The following FBXW7 variants were observed in gnomAD, a reference collection of about 807,000 sequenced individuals.
The protein encoded by FBXW7 is F-box/WD repeat-containing protein 7.
A neutral mutation model predicts 86.3 loss-of-function variants in FBXW7; 11 were observed. That is an observed-to-expected ratio of 0.13 (90% CI 0.08 to 0.21). The LOEUF (loss-of-function observed/expected upper bound fraction) is 0.21. FBXW7 is among the 10% of genes least tolerant of loss of function. FBXW7 has a pLI of 1.00. For missense variants in FBXW7, 488 were observed against 847.4 expected (o/e 0.58, Z 5.27); for synonymous variants, 313 against 297.9 (o/e 1.05, Z -0.52).
At chr4:152,398,673 C>A (rs2126832832) in intron 4 of FBXW7, among the ~76,000 whole-genome samples, 1 of 152,118 alleles carries the variant, frequency 6.6e-6, no homozygotes, top group Middle Eastern at 3.4e-3. Context: ...ACCATATTTT[C>A]TTTTCTCTGT....
chr4:152,407,669 A>G (rs1481286361), intron 4 of FBXW7, among the ~76,000 whole-genome samples: 1 of 152,136 alleles, frequency 6.6e-6, no homozygotes, highest in East Asian at 1.9e-4. Context: ...ATTTATAGAC[A>G]AGAAAGGGTC....
Position 152,322,858 on chromosome 4 carries a change from G to T in FBXW7, c.*23C>A, listed in dbSNP as rs1360272274. The T allele has an allele frequency of 6.2e-7, 1 of 1,611,800 alleles. No individual in the cohort carries two copies. The highest frequency in any genetic ancestry group is 2.2e-5 in the East Asian group (1 of 44,816). On this transcript the variant is annotated 3_prime_UTR_variant, in exon 14 of 14. Transcript: ENST00000281708. ...AGGGAGTATATCGTCTACACAATTG[G>T]ACAAATTCATCTTTTCTGCTCTTCA...
rs557662930 is a variant in FBXW7 at position 152,415,221 on chromosome 4, T to A, written c.-119-2692A>T. 2.0e-4 allele frequency among the ~76,000 whole-genome samples: 30 copies of A among 152,242 alleles called. No homozygotes were observed. In the South Asian group the frequency reaches 6.2e-3, roughly 32 times the overall value. Reference sequence around the variant, plus strand: ...TCCAAGGCAAATACTAACTTTGAAATCATAGTAGACACTGAGGAATACAGT... The same window carrying A: ...TCCAAGGCAAATACTAACTTTGAAAACATAGTAGACACTGAGGAATACAGT... On this transcript the variant is annotated intron_variant, in intron 2 of 13. Coordinates refer to ENST00000281708, the MANE Select transcript of FBXW7 (RefSeq NM_001349798.2).
chr4:152,511,050 T>A (rs1254213670), intron 2 of FBXW7, among the ~76,000 whole-genome samples: 1 of 151,720 alleles, frequency 6.6e-6, no homozygotes, highest in Non-Finnish European at 1.5e-5. Context: ...TTTTTTTTTT[T>A]TTTTTTGTAG....
intron 2 of FBXW7, among the ~76,000 whole-genome samples, chr4:152,499,058 G>A (rs1302392978): frequency 6.6e-6 from 1 of 152,122 alleles, no homozygotes; most frequent in South Asian, 2.1e-4. Context: ...AGAATTATCA[G>A]AGAACTGAAG....
At chr4:152,465,283 A>C (rs1257560662) in intron 2 of FBXW7, among the ~76,000 whole-genome samples, 3 of 152,200 alleles carry the variant, frequency 2.0e-5, no homozygotes, top group Non-Finnish European at 2.9e-5. Flanking sequence ...TATGATAGTA[A>C]GCACACAGAA....
chr4:152,437,516 T>C (rs1740490984), intron 2 of FBXW7, among the ~76,000 whole-genome samples: 1 of 152,230 alleles, frequency 6.6e-6, no homozygotes, highest in African/African-American at 2.4e-5. Context: ...TAAGGTGTTG[T>C]TTCTTCTGAA....
chr4:152,513,749 A>G (rs1748204462), intron 2 of FBXW7, among the ~76,000 whole-genome samples: 1 of 152,206 alleles, frequency 6.6e-6, no homozygotes, highest in African/African-American at 2.4e-5. Context: ...AAAATAAAAA[A>G]CTTTACATCT....
intron 2 of FBXW7, among the ~76,000 whole-genome samples, chr4:152,463,615 TTTAC>T (rs1743159445): frequency 6.6e-6 from 1 of 152,132 alleles, no homozygotes; most frequent in Non-Finnish European, 1.5e-5. Flanking sequence ...TCAAAAAGCA[TTTAC>T]TTAGTTCCAA....
intron 4 of FBXW7, chr4:152,411,074 G>A (rs558119429): frequency 4.0e-6 from 3 of 745,916 alleles, no homozygotes; most frequent in South Asian, 9.0e-5. Context: ...ATTTTTCATA[G>A]TAATAGGCTC....
intron 4 of FBXW7, chr4:152,382,117 T>A: frequency 9.1e-7 from 1 of 1,095,922 alleles, no homozygotes; most frequent in Non-Finnish European, 1.3e-6. Context: ...ATTTGAGGCA[T>A]CTTTTCACTA....
Position 152,430,885 on chromosome 4 carries a change from GGGTATATACCTTT to G in FBXW7, c.-119-18369_-119-18357del, listed in dbSNP as rs368639446. Among the ~76,000 whole-genome samples the G allele has an allele frequency of 1.4e-3, 207 of 152,222 alleles. 1 individual carries two copies. The highest frequency in any genetic ancestry group is 4.7e-3 in the African/African-American group (196 of 41,532). On this transcript the variant is annotated intron_variant, in intron 2 of 13. Transcript: ENST00000281708. ...TACATTATATTTATTTTTGGATTCA[GGGTATATACCTTT>G]GGTCAGTATTGTATCCCCAGTGCCT...
intron 2 of FBXW7, among the ~76,000 whole-genome samples, chr4:152,448,777 T>A (rs1165156293): frequency 6.6e-6 from 1 of 152,120 alleles, no homozygotes; most frequent in Non-Finnish European, 1.5e-5. Flanking sequence ...CAAGAAAAAC[T>A]GGATATTAAA....
intron 2 of FBXW7, among the ~76,000 whole-genome samples, chr4:152,491,242 A>G (rs718089): frequency 0.47 from 72,006 of 151,946 alleles, 20,270 homozygotes; most frequent in African/African-American, 0.79. Context: ...ACCTTACAAC[A>G]TAAGCAGTAA....
intron 2 of FBXW7, among the ~76,000 whole-genome samples, chr4:152,502,319 G>GTACT (rs1747031811): frequency 6.6e-6 from 1 of 152,070 alleles, no homozygotes; most frequent in Non-Finnish European, 1.5e-5. Context: ...TGTGACCACT[G>GTACT]TACTGCATAT....
At chr4:152,487,860 G>A (rs148173764) in intron 2 of FBXW7, among the ~76,000 whole-genome samples, 29 of 152,092 alleles carry the variant, frequency 1.9e-4, no homozygotes, top group Middle Eastern at 3.4e-3. Flanking sequence ...AATTCTTGCT[G>A]TTTAAAACAA....
At chr4:152,437,823 C>A (rs886743655) in intron 2 of FBXW7, among the ~76,000 whole-genome samples, 28 of 152,304 alleles carry the variant, frequency 1.8e-4, no homozygotes, top group African/African-American at 6.7e-4. Flanking sequence ...AAGACTACAG[C>A]AGTAAAATGA....
chr4:152,381,340 CTT>C (rs761487107), intron 4 of FBXW7, among the ~76,000 whole-genome samples: 1 of 151,882 alleles, frequency 6.6e-6, no homozygotes, highest in Non-Finnish European at 1.5e-5. Context: ...CAAAATAAAA[CTT>C]TAAGAAACGC....
At chr4:152,337,100 T>C (rs1453152025) in intron 7 of FBXW7, among the ~76,000 whole-genome samples, 1 of 151,960 alleles carries the variant, frequency 6.6e-6, no homozygotes, top group Admixed American at 6.6e-5. Context: ...AGGAACTATA[T>C]CTAAACTATG....
Sources: allele counts gnomAD v4.1 joint callset (sites outside exome capture counted in the v4.1 genomes callset), GRCh38; gene constraint gnomAD v4.1.1; transcripts MANE v1.5; gene names NCBI Gene and HGNC (gene_info 2026-07-23, HGNC 2026-07-21).